Variants in ACTL8 observed in about 807,000 individuals in gnomAD.
ACTL8 encodes actin like 8.
ACTL8 carries 3 observed loss-of-function variants against 9.3 expected under a neutral mutation model. The observed-to-expected ratio is 0.32, with a 90% CI of 0.15 to 0.83. The LOEUF is 0.83. Ranked by LOEUF, ACTL8 falls within the 40% of genes least tolerant of loss-of-function variation. The pLI is 0.57. For synonymous variants in ACTL8, 224 were observed against 205.9 expected (o/e 1.09, Z -0.75); for missense variants, 381 against 492.2 (o/e 0.77, Z 2.14).
At chr1:17,825,115 AG>A (rs1464431209) in intron 2 of ACTL8, among the ~76,000 whole-genome samples, 1 of 120,270 alleles carries the variant, frequency 8.3e-6, no homozygotes, top group Non-Finnish European at 1.7e-5. Context: ...GGTGAGGAGC[AG>A]GGGGAGAAAA....
intron 1 of ACTL8, among the ~76,000 whole-genome samples, chr1:17,791,770 A>G (rs568305185): frequency 1.6e-4 from 25 of 152,360 alleles, no homozygotes; most frequent in African/African-American, 5.3e-4. Flanking sequence ...TTGCCCTGGC[A>G]GTCTCTGGCT....
intron 1 of ACTL8, among the ~76,000 whole-genome samples, chr1:17,772,221 A>G (rs944798948): frequency 2.0e-5 from 3 of 152,240 alleles, no homozygotes; most frequent in Non-Finnish European, 2.9e-5. Context: ...TATCGATTGC[A>G]TTGGAACAAA....
intron 1 of ACTL8, among the ~76,000 whole-genome samples, chr1:17,764,299 C>T (rs1294182937): frequency 2.6e-5 from 4 of 152,186 alleles, no homozygotes; most frequent in African/African-American, 7.2e-5. Context: ...CAAATGTCAA[C>T]AGTGCTCAGG....
chr1:17,790,102 C>T (rs2066228403), intron 1 of ACTL8, among the ~76,000 whole-genome samples: 1 of 152,218 alleles, frequency 6.6e-6, no homozygotes, highest in African/African-American at 2.4e-5. Context: ...AGCACAGGTG[C>T]CAGCTCTCTG....
At position 17,767,808 on chromosome 1, in the gene ACTL8, C is replaced by G. The variant is rs1022329808; in HGVS notation, c.-25+12304C>G. Among the ~76,000 whole-genome samples, 3 of 152,146 alleles carry G rather than the reference C, an allele frequency of 2.0e-5. No homozygotes were observed. The highest frequency in any genetic ancestry group is 7.2e-5 in the African/African-American group (3 of 41,428). ...TCCCTGCTTGGCTTCTCGGCTCAGT[C>G]TGATGCCGTGACTGCTGACACGGGA... is the stretch of plus-strand genomic sequence containing the variant. On this transcript the variant is annotated intron_variant, in intron 1 of 2. Transcript: ENST00000375406. The surrounding 1 kb of genome is among the most constrained non-coding windows in gnomAD (Gnocchi z 4.7).
intron 1 of ACTL8, among the ~76,000 whole-genome samples, chr1:17,811,976 G>A (rs1247620281): frequency 6.6e-6 from 1 of 151,412 alleles, no homozygotes; most frequent in Non-Finnish European, 1.5e-5. Context: ...GGCCTCCCAA[G>A]TAGCTGGGAC....
At chr1:17,760,720 TCAG>T (rs1394017156) in intron 1 of ACTL8, among the ~76,000 whole-genome samples, 3 of 136,386 alleles carry the variant, frequency 2.2e-5, no homozygotes, top group Admixed American at 1.6e-4. Context: ...GTGGCATCCC[TCAG>T]AGGAGTGGGT....
intron 1 of ACTL8, among the ~76,000 whole-genome samples, chr1:17,780,272 C>G (rs2066145662): frequency 6.6e-6 from 1 of 152,106 alleles, no homozygotes; most frequent in Non-Finnish European, 1.5e-5. Flanking sequence ...AAAGAAGTGG[C>G]ATTAGCCTGG....
chr1:17,817,414 G>T (rs188282111), intron 1 of ACTL8, among the ~76,000 whole-genome samples: 2 of 152,152 alleles, frequency 1.3e-5, no homozygotes, highest in Non-Finnish European at 1.5e-5. Context: ...AGCCAAGGCT[G>T]CTGGTAACTT....
At chr1:17,763,398 C>T (rs901384923) in intron 1 of ACTL8, among the ~76,000 whole-genome samples, 8 of 152,070 alleles carry the variant, frequency 5.3e-5, no homozygotes, top group African/African-American at 1.2e-4. Flanking sequence ...AAAGCCTCCC[C>T]GGAGGTGCTG....
intron 1 of ACTL8, among the ~76,000 whole-genome samples, chr1:17,778,817 T>C (rs1241215778): frequency 6.6e-6 from 1 of 152,090 alleles, no homozygotes; most frequent in African/African-American, 2.4e-5. Context: ...AGCTCAGGGA[T>C]GATGAGTCCT....
intron 1 of ACTL8, among the ~76,000 whole-genome samples, chr1:17,783,650 A>T (rs2066173679): frequency 6.6e-6 from 1 of 152,034 alleles, no homozygotes; most frequent in South Asian, 2.1e-4. Flanking sequence ...TGTTAAAGGG[A>T]TCTGGAACTG....
intron 1 of ACTL8, among the ~76,000 whole-genome samples, chr1:17,799,929 C>T (rs919975706): frequency 6.6e-6 from 1 of 151,548 alleles, no homozygotes; most frequent in East Asian, 1.9e-4. Flanking sequence ...TTTCTGAGCT[C>T]TCTCTGCTGT....
intron 1 of ACTL8, among the ~76,000 whole-genome samples, chr1:17,810,177 A>G (rs80081069): frequency 0.025 from 3,866 of 152,258 alleles, 184 homozygotes; most frequent in African/African-American, 0.089. Context: ...GCTGTCTCCC[A>G]TATCTCTCCC....
chr1:17,767,034 GAGAACAATGA>G lies in ACTL8; in HGVS notation c.-25+11532_-25+11541del, dbSNP rs1227300485. 3.9e-5 allele frequency among the ~76,000 whole-genome samples: 6 copies of G among 152,194 alleles called. No homozygotes were observed. The highest frequency in any genetic ancestry group is 1.4e-4 in the African/African-American group (6 of 41,444). On this transcript the variant is annotated intron_variant, in intron 1 of 2. Transcript: ENST00000375406. This position sits in a 1 kb window ranked among gnomAD's most constrained non-coding sequence, Gnocchi z 4.7. Reference sequence around the variant, plus strand: ...GTGGTTTCAGGTTGGGAGAACTATGGAGAACAATGAATGGAACGGGAACAGAGAGTGATGA... The same window carrying G: ...GTGGTTTCAGGTTGGGAGAACTATGGATGGAACGGGAACAGAGAGTGATGA...
intron 1 of ACTL8, among the ~76,000 whole-genome samples, chr1:17,780,691 C>G (rs1266472760): frequency 8.5e-6 from 1 of 117,340 alleles, no homozygotes; most frequent in Non-Finnish European, 1.8e-5. Flanking sequence ...CCTTGGTTGA[C>G]AGTGCAGTCC....
chr1:17,776,253 CA>C (rs2066117370), intron 1 of ACTL8, among the ~76,000 whole-genome samples: 1 of 152,178 alleles, frequency 6.6e-6, no homozygotes. Flanking sequence ...CCCCTTCCAC[CA>C]GGCTTTGGTG....
In ACTL8 at chr1:17,826,110, C is replaced by T. The variant is rs1426012683; in HGVS notation, c.692C>T (p.Ala231Val). Residue 231 changes from alanine (A) to valine (V), a missense_variant, in exon 3 of 3, where the codon GCC becomes GTC. Around this residue, in one of 3 missense-constraint regions of ACTL8, gnomAD observed 243 missense variants for 276.2 expected, o/e 0.88. Transcript: ENST00000375406. This position sits in a 1 kb window ranked among gnomAD's most constrained non-coding sequence, Gnocchi z 4.5. ...GACTTTCGTGAGAGGCAGCAGAGTG[C>T]CTTGGATGAGAGCAACACCTATCAG... is the stretch of plus-strand genomic sequence containing the variant. The part of the protein sequence containing the change: ...ALDFRERQQS[A>V]LDESNTYQLP... The T allele has an allele frequency of 1.2e-6, 2 of 1,610,128 alleles. No homozygotes were observed. The highest frequency in any genetic ancestry group is 8.5e-7 in the Non-Finnish European group (1 of 1,179,354).
chr1:17,796,809 G>A (rs1165746952), intron 1 of ACTL8, among the ~76,000 whole-genome samples: 4 of 152,226 alleles, frequency 2.6e-5, no homozygotes, highest in Non-Finnish European at 2.9e-5. Context: ...AGATTGCAAC[G>A]AGTAGGGAGG....
Sources: allele counts gnomAD v4.1 joint callset (sites outside exome capture counted in the v4.1 genomes callset), GRCh38; gene constraint gnomAD v4.1.1; regional missense constraint gnomAD v4.1.1; non-coding constraint Gnocchi (gnomAD v3.1); transcripts MANE v1.5; gene names NCBI Gene and HGNC (gene_info 2026-07-23, HGNC 2026-07-21).